Variants in PHKB observed in about 807,000 individuals in gnomAD.
The protein encoded by PHKB is phosphorylase b kinase regulatory subunit beta.
A neutral mutation model predicts 152.1 loss-of-function variants in PHKB; 122 were observed. That is an observed-to-expected ratio of 0.80 (90% CI 0.69 to 0.93). PHKB has a LOEUF of 0.93. PHKB is among the 40% of genes least tolerant of loss of function. PHKB has a pLI of 0.00. For missense variants in PHKB, 1,304 were observed against 1,328.4 expected (o/e 0.98, Z 0.29); for synonymous variants, 436 against 464.9 (o/e 0.94, Z 0.80).
chr16:47,612,329 A>G (rs1488618952), intron 14 of PHKB, among the ~76,000 whole-genome samples: 1 of 152,224 alleles, frequency 6.6e-6, no homozygotes, highest in African/African-American at 2.4e-5. Context: ...TGAGGTGTGC[A>G]GACAGGAGCC....
In PHKB at chr16:47,566,057, C is replaced by T. The variant is rs901900271; in HGVS notation, c.711-14238C>T. 99 of 668,408 alleles carry T rather than the reference C, an allele frequency of 1.5e-4. 1 individual carries two copies. Among genetic ancestry groups the T allele is most frequent in the Admixed American group, 2.9e-4 (12 of 41,474 alleles). The allele number at this position is 668,408 out of a possible 1,614,324, so 41.4% of individuals were successfully genotyped here. A position where few individuals can be genotyped will look rare whatever the true frequency, so the allele number is the denominator to read the frequency against. ...CTCTGTAGTCATCATCCCTGTGGTA[C>T]CCACTGCCAAATGCTTTTTTGCCAT... On this transcript the variant is annotated intron_variant, in intron 7 of 30. Coordinates refer to ENST00000323584, the MANE Select transcript of PHKB (RefSeq NM_000293.3).
In PHKB at chr16:47,669,128, T is replaced by A. The variant is rs1973590351; in HGVS notation, c.2428-87T>A. The A allele has an allele frequency of 5.3e-6, 5 of 947,988 alleles. No individual in the cohort carries two copies. The Admixed American group carries it at 5.6e-5, about 11-fold the overall frequency. 58.7% of individuals were successfully genotyped at this position (947,988 alleles called of 1,614,324 possible). A position where few individuals can be genotyped will look rare whatever the true frequency, so the allele number is the denominator to read the frequency against. ...TAGCTTATATAGAGTAATTTCAGCC[T>A]GCCAGTCATTCTGAGCCTTGATTTT... On this transcript the variant is annotated intron_variant, in intron 25 of 30. Coordinates refer to ENST00000323584, the MANE Select transcript of PHKB (RefSeq NM_000293.3).
At chr16:47,678,933 G>T (rs912423609) in intron 26 of PHKB, among the ~76,000 whole-genome samples, 9 of 152,264 alleles carry the variant, frequency 5.9e-5, no homozygotes, top group African/African-American at 2.2e-4. Context: ...AATCCATCTT[G>T]AATTGATTTT....
intron 1 of PHKB, among the ~76,000 whole-genome samples, chr16:47,469,312 C>A (rs1969723946): frequency 6.6e-6 from 1 of 152,078 alleles, no homozygotes; most frequent in African/African-American, 2.4e-5. Flanking sequence ...TTGAATCTTA[C>A]AAACTGTGAA....
chr16:47,534,274 G>T (rs1259563143), intron 6 of PHKB, among the ~76,000 whole-genome samples: 9 of 152,230 alleles, frequency 5.9e-5, no homozygotes, highest in African/African-American at 2.2e-4. Flanking sequence ...CCATGGTAAT[G>T]AGTCTTCATC....
intron 20 of PHKB, among the ~76,000 whole-genome samples, chr16:47,658,260 C>T (rs977994352): frequency 1.3e-5 from 2 of 152,164 alleles, no homozygotes; most frequent in African/African-American, 4.8e-5. Context: ...GTACACTCTT[C>T]CTTCAGATCC....
At chr16:47,645,419 G>A (rs2151728465) in intron 16 of PHKB, among the ~76,000 whole-genome samples, 1 of 109,658 alleles carries the variant, frequency 9.1e-6, no homozygotes, top group South Asian at 3.8e-4. Context: ...TCCAGTTTCA[G>A]CTTTCTACAT....
At chr16:47,619,109 A>C (rs1972572967) in intron 14 of PHKB, 1 of 152,188 alleles carries the variant, frequency 6.6e-6, no homozygotes, top group Admixed American at 6.5e-5. Flanking sequence ...TTCTGAGACA[A>C]ATATTATATC....
At chr16:47,565,105 G>A (rs1301021200) in intron 7 of PHKB, 2 of 499,406 alleles carry the variant, frequency 4.0e-6, no homozygotes, top group African/African-American at 2.0e-5. Context: ...CTTCTCCCTC[G>A]TTTTCATTTT....
rs1415494181 is a variant in PHKB, at chr16:47,588,920, C to T, written c.886C>T (p.Leu296=). Residue 296 remains leucine (L), a synonymous_variant, in exon 10 of 31, where the codon CTG becomes TTG. Coordinates refer to ENST00000323584, the MANE Select transcript of PHKB (RefSeq NM_000293.3). ...TTGCCTCCAGAATACAGATGCTGCC[C>T]TGCTCCCCTGCATCAGTTATCCTGC... ...ESRSHNTDAA[L]LPCISYPAFA... 3 of 1,613,354 alleles carry T rather than the reference C, an allele frequency of 1.9e-6. No homozygotes were observed. Among genetic ancestry groups the T allele is most frequent in the Admixed American group, 3.3e-5 (2 of 59,950 alleles).
chr16:47,475,491 G>A (rs1969853129), intron 1 of PHKB, among the ~76,000 whole-genome samples: 1 of 152,086 alleles, frequency 6.6e-6, no homozygotes, highest in South Asian at 2.1e-4. Context: ...TCCAAAGTGG[G>A]CATCACTCTT....
At chr16:47,591,951 A>AT (rs946275492) in intron 10 of PHKB, among the ~76,000 whole-genome samples, 1 of 151,958 alleles carries the variant, frequency 6.6e-6, no homozygotes, top group Non-Finnish European at 1.5e-5. Context: ...ATCTGGGGCG[A>AT]TTTTGCCCTC....
chr16:47,567,654 A>G (rs1781788703), intron 7 of PHKB, among the ~76,000 whole-genome samples: 1 of 152,190 alleles, frequency 6.6e-6, no homozygotes, highest in Non-Finnish European at 1.5e-5. Flanking sequence ...TCCCTATTCA[A>G]TATGATGTTG....
chr16:47,613,098 C>T (rs1972456880), intron 14 of PHKB, among the ~76,000 whole-genome samples: 1 of 152,146 alleles, frequency 6.6e-6, no homozygotes, highest in South Asian at 2.1e-4. Context: ...GGTAGAAGTG[C>T]TTGTTCCCGA....
intron 19 of PHKB, 89 bp from the exon 20 acceptor site, chr16:47,650,742 C>T: frequency 1.6e-6 from 2 of 1,250,598 alleles, no homozygotes; most frequent in Non-Finnish European, 1.2e-6. Flanking sequence ...TGGTGGAATA[C>T]TTTGTATATA....
At chr16:47,574,922 C>G (rs7197659) in intron 7 of PHKB, among the ~76,000 whole-genome samples, 10,460 of 152,204 alleles carry the variant, frequency 0.069, 593 homozygotes, top group African/African-American at 0.15. Context: ...TTTTTATTTC[C>G]TTTTCTTGCC....
rs143773028 is a variant in PHKB at position 47,520,345 on chromosome 16, T to C, written c.594+4744T>C. Among the ~76,000 whole-genome samples the C allele has an allele frequency of 6.2e-3, 946 of 152,370 alleles. 40 individuals are homozygous for C. The highest frequency in any genetic ancestry group is 0.058 in the Admixed American group (882 of 15,304). On this transcript the variant is annotated intron_variant, in intron 6 of 30. Transcript: ENST00000323584. Reference sequence around the variant, plus strand: ...AGTGCTTTGCATATAGAAAAACTTATTTAATCCTTACAGCAACTCTGTCAG... The same window carrying C: ...AGTGCTTTGCATATAGAAAAACTTACTTAATCCTTACAGCAACTCTGTCAG...
chr16:47,591,798 G>A (rs1567318367), intron 10 of PHKB, among the ~76,000 whole-genome samples: 2 of 152,000 alleles, frequency 1.3e-5, no homozygotes, highest in South Asian at 2.1e-4. Context: ...TCCTGTGCCC[G>A]AGCCCTATAC....
At chr16:47,493,485 C>T (rs992558444) in intron 1 of PHKB, among the ~76,000 whole-genome samples, 3 of 152,016 alleles carry the variant, frequency 2.0e-5, no homozygotes, top group Non-Finnish European at 2.9e-5. Flanking sequence ...CTATTTCGAC[C>T]GTTGTAATTT....
Sources: gnomAD v4.1 joint callset for allele counts (sites outside exome capture counted in the v4.1 genomes callset) on GRCh38, gnomAD v4.1.1 for gene constraint, MANE v1.5 for transcripts, NCBI Gene and HGNC (gene_info 2026-07-23, HGNC 2026-07-21) for gene names.